Variants in POLR3B observed in about 807,000 individuals in gnomAD.
The protein encoded by POLR3B is DNA-directed RNA polymerase III subunit RPC2.
A neutral mutation model predicts 147.4 loss-of-function variants in POLR3B; 96 were observed. The observed-to-expected ratio is 0.65, with a 90% CI of 0.55 to 0.77. POLR3B has a LOEUF of 0.77. POLR3B is among the 30% of genes least tolerant of loss of function. The pLI, the probability that POLR3B is intolerant of heterozygous loss-of-function variation, is 0.00. For missense variants in POLR3B, 1,036 were observed against 1,413.5 expected, an observed-to-expected ratio of 0.73 and a Z score of 4.28; for synonymous variants, 461 against 485.9, an observed-to-expected ratio of 0.95 and a Z score of 0.67.
At chr12:106,470,247 ATTGAAGCTTGTGTATGC>A (rs1476382691) in intron 23 of POLR3B, among the ~76,000 whole-genome samples, 2 of 151,974 alleles carry the variant, frequency 1.3e-5, no homozygotes, top group African/African-American at 2.4e-5. Context: ...CGAATTGGCT[ATTGAAGCTTGTGTATGC>A]TTCACGAAGT....
At chr12:106,469,265 CCTGCTTTTTTTTTT>C (rs1319255357) in intron 23 of POLR3B, among the ~76,000 whole-genome samples, 2 of 131,264 alleles carry the variant, frequency 1.5e-5, no homozygotes, top group Non-Finnish European at 3.1e-5. Context: ...GATTGCAACC[CCTGCTTTTTTTTTT>C]TTTTTTGCTT....
chr12:106,483,465 A>G (rs2038296267), intron 23 of POLR3B, among the ~76,000 whole-genome samples: 1 of 152,226 alleles, frequency 6.6e-6, no homozygotes, highest in Admixed American at 6.5e-5. Context: ...CACCTGAAGC[A>G]AAAAGATGGA....
intron 15 of POLR3B, 74 bp downstream of exon 15, chr12:106,432,554 T>A (rs2037525032): frequency 3.3e-6 from 4 of 1,220,540 alleles, no homozygotes; most frequent in Non-Finnish European, 2.4e-6. Context: ...ATTATCCTGG[T>A]ATTTAAAGCA....
intron 23 of POLR3B, among the ~76,000 whole-genome samples, chr12:106,483,046 A>G (rs539355881): frequency 6.6e-6 from 1 of 152,302 alleles, no homozygotes; most frequent in South Asian, 2.1e-4. Flanking sequence ...TTCAGCCATA[A>G]TAACTAAATA....
rs60188511 is a variant in POLR3B at position 106,409,673 on chromosome 12, GTT to G, written c.967-1140_967-1139del. On this transcript the variant is annotated intron_variant, in intron 11 of 27. Transcript: ENST00000228347. ...AATGTATGAAGGAGAATGCTTGCTTGTTTTTTTTTTTTTTGAATGCAGTCTAT... is the reference window on the plus strand; with the variant it reads ...AATGTATGAAGGAGAATGCTTGCTTGTTTTTTTTTTTTGAATGCAGTCTAT... Among the ~76,000 whole-genome samples, 692 of 140,034 alleles carry G rather than the reference GTT, an allele frequency of 4.9e-3. 4 individuals carry two copies. The highest frequency in any genetic ancestry group is 0.013 in the African/African-American group (496 of 38,906). 91.9% of individuals were successfully genotyped at this position (140,034 alleles called of 152,430 possible). A position where few individuals can be genotyped will look rare whatever the true frequency, so the allele number is the denominator to read the frequency against.
At chr12:106,447,574 G>C (rs2037739914) in intron 19 of POLR3B, among the ~76,000 whole-genome samples, 1 of 152,138 alleles carries the variant, frequency 6.6e-6, no homozygotes, top group Non-Finnish European at 1.5e-5. Flanking sequence ...CACTCGCTCA[G>C]CACTACCAGG....
At chr12:106,500,218 A>AT (rs761591274) in intron 25 of POLR3B, 2 of 453,540 alleles carry the variant, frequency 4.4e-6, no homozygotes, top group East Asian at 6.9e-5. Flanking sequence ...TTAAAAAAAA[A>AT]TTTTTTAAGA....
intron 11 of POLR3B, 52 bp downstream of exon 11, chr12:106,406,028 T>C: frequency 6.3e-7 from 1 of 1,595,938 alleles, no homozygotes; most frequent in Non-Finnish European, 8.6e-7. Context: ...TGTGAATTCC[T>C]GTTAGAGAAC....
At chr12:106,403,287 G>A (rs553295497) in intron 10 of POLR3B, among the ~76,000 whole-genome samples, 86 of 150,716 alleles carry the variant, frequency 5.7e-4, no homozygotes, top group Non-Finnish European at 1.0e-3. Context: ...TTAGAATGGT[G>A]ATCATTAAAA....
At position 106,433,577 on chromosome 12, in the gene POLR3B, C is replaced by G. The variant is rs927418067; in HGVS notation, c.1628-142C>G. 9.2e-6 allele frequency: 6 copies of G among 652,266 alleles called. No individual in the cohort carries two copies. In the African/African-American group the frequency reaches 1.1e-4, roughly 12 times the overall value. The allele number at this position is 652,266 out of a possible 1,614,324, so 40.4% of individuals were successfully genotyped here. A position where few individuals can be genotyped will look rare whatever the true frequency, so the allele number is the denominator to read the frequency against. ...TCTTCCTTTGTTGCTTCCCTGCAAC[C>G]TTGTGGACTGGCTGCAGGTGTTAAT... On this transcript the variant is annotated intron_variant, in intron 15 of 27. Coordinates refer to ENST00000228347, the MANE Select transcript of POLR3B (RefSeq NM_018082.6).
At chr12:106,460,756 T>C (rs1268166025) in intron 22 of POLR3B, among the ~76,000 whole-genome samples, 1 of 152,198 alleles carries the variant, frequency 6.6e-6, no homozygotes, top group Non-Finnish European at 1.5e-5. Context: ...TTCAGAGACC[T>C]TTTTCTGTCA....
At chr12:106,450,208 C>A (rs1438122788) in intron 19 of POLR3B, among the ~76,000 whole-genome samples, 9 of 152,196 alleles carry the variant, frequency 5.9e-5, no homozygotes, top group South Asian at 2.1e-4. Flanking sequence ...TAGCTCCTAC[C>A]TCATAGCATA....
intron 23 of POLR3B, among the ~76,000 whole-genome samples, chr12:106,466,303 T>C (rs2038005241): frequency 6.6e-6 from 1 of 152,196 alleles, no homozygotes; most frequent in Admixed American, 6.5e-5. Context: ...GGGGGTTGTT[T>C]GCTTTTTTCT....
chr12:106,448,920 C>T (rs1439955498), intron 19 of POLR3B, among the ~76,000 whole-genome samples: 1 of 152,100 alleles, frequency 6.6e-6, no homozygotes, highest in African/African-American at 2.4e-5. Flanking sequence ...CTTCTTTTCT[C>T]ATTTTTTTCC....
chr12:106,459,510 G>GTCTATGCTTAGCATAGAAGATA (rs2037908488), intron 22 of POLR3B, 142 bp downstream of exon 22: 4 of 692,440 alleles, frequency 5.8e-6, no homozygotes, highest in Non-Finnish European at 8.0e-6. Context: ...GAAAAAGCAT[G>GTCTATGCTTAGCATAGAAGATA]GCATAGAAGA....
intron 18 of POLR3B, among the ~76,000 whole-genome samples, chr12:106,441,706 G>T (rs2037653801): frequency 6.6e-6 from 1 of 152,084 alleles, no homozygotes. Flanking sequence ...TATTTAGGTA[G>T]TTTCCAATTT....
rs1255913583 is a variant in POLR3B, at chr12:106,429,251, C to G, written c.1264-1022C>G. Among the ~76,000 whole-genome samples the G allele has an allele frequency of 2.0e-5, 3 of 152,178 alleles. No individual in the cohort carries two copies. In the East Asian group the frequency reaches 5.8e-4, roughly 29 times the overall value. ...CCCTGCAGCCCCTGCCTTTTGGGCT[C>G]AAGTGATCCTCCCACATAGCTAGAA... On this transcript the variant is annotated intron_variant, in intron 13 of 27. Coordinates refer to ENST00000228347, the MANE Select transcript of POLR3B (RefSeq NM_018082.6).
intron 9 of POLR3B, among the ~76,000 whole-genome samples, chr12:106,384,268 A>G (rs992150209): frequency 6.6e-6 from 1 of 152,230 alleles, no homozygotes; most frequent in Non-Finnish European, 1.5e-5. Flanking sequence ...AACCTGTTCT[A>G]AGATGTAAAT....
chr12:106,428,920 A>T (rs1403037391), intron 13 of POLR3B, among the ~76,000 whole-genome samples: 1 of 152,216 alleles, frequency 6.6e-6, no homozygotes, highest in African/African-American at 2.4e-5. Flanking sequence ...ACATATTTTA[A>T]TGCAAACAGA....
Sources: gnomAD v4.1 joint callset for allele counts (sites outside exome capture counted in the v4.1 genomes callset) on GRCh38, gnomAD v4.1.1 for gene constraint, MANE v1.5 for transcripts, NCBI Gene and HGNC (gene_info 2026-07-23, HGNC 2026-07-21) for gene names.